The following MYO1A variants were observed in gnomAD, a reference collection of about 807,000 sequenced individuals.
MYO1A encodes unconventional myosin-Ia.
In MYO1A, 127 loss-of-function variants were observed where a neutral mutation model predicts 138.5. The observed-to-expected ratio is 0.92, with a 90% CI of 0.79 to 1.06. MYO1A has a LOEUF of 1.06. MYO1A is among the 50% of genes least tolerant of loss of function. The probability of loss-of-function intolerance (pLI) is 0.00; values close to 1 mark genes in which losing one functional copy is unlikely to be tolerated. For missense variants in MYO1A, 1,211 were observed against 1,288.8 expected (o/e 0.94, Z 0.92); for synonymous variants, 477 against 497.5 (o/e 0.96, Z 0.55).
chr12:57,041,979 T>C (rs1452813623), intron 12 of MYO1A, among the ~76,000 whole-genome samples: 3 of 152,246 alleles, frequency 2.0e-5, no homozygotes, highest in Non-Finnish European at 2.9e-5. Context: ...ATGTGGATAA[T>C]TTGTTAATAA....
chr12:57,043,289 G>C lies in MYO1A; in HGVS notation c.962C>G (p.Thr321Ser), dbSNP rs2030944725. Residue 321 changes from threonine to serine, a missense_variant, in exon 11 of 28, where the codon ACC (threonine) becomes AGC (serine). By Grantham distance (58) the Thr-to-Ser change is moderately conservative (BLOSUM62 1). Coordinates refer to ENST00000300119, the MANE Select transcript of MYO1A (RefSeq NM_005379.4). Reference protein sequence around the residue: ...EEVERALCSRTMETAKEKVVT... With the variant: ...EEVERALCSRSMETAKEKVVT... ...CACCTTTTCCTTGGCTGTTTCCATG[G>C]TCCTCGAGCACAAAGCTCTCTCTAC... is the stretch of plus-strand genomic sequence containing the variant. The C allele has an allele frequency of 6.2e-7, 1 of 1,613,988 alleles. No individual in the cohort carries two copies. Among genetic ancestry groups the C allele is most frequent in the African/African-American group, 1.3e-5 (1 of 74,886 alleles).
At chr12:57,049,480 T>A (rs2031260721) in intron 1 of MYO1A, among the ~76,000 whole-genome samples, 1 of 152,134 alleles carries the variant, frequency 6.6e-6, no homozygotes, top group Non-Finnish European at 1.5e-5. Flanking sequence ...TTCCCCAAGC[T>A]CTAGGAAAAG....
At position 57,028,649 on chromosome 12, in the gene MYO1A, T is replaced by C. The variant is rs752433778; in HGVS notation, c.*106A>G. The C allele has an allele frequency of 1.3e-6, 2 of 1,484,882 alleles. No individual in the cohort carries two copies. The highest frequency in any genetic ancestry group is 2.0e-4 in the Middle Eastern group (1 of 5,066). 92.0% of individuals were successfully genotyped at this position (1,484,882 alleles called of 1,614,324 possible). A position where few individuals can be genotyped will look rare whatever the true frequency, so the allele number is the denominator to read the frequency against. ...CAAGGGTAGTTTAATCCCCAAGCCA[T>C]GCGCCACGATCAGAGGGGTTAGAGA... is the stretch of plus-strand genomic sequence containing the variant. On this transcript the variant is annotated 3_prime_UTR_variant, in exon 28 of 28. Coordinates refer to ENST00000300119, the MANE Select transcript of MYO1A (RefSeq NM_005379.4).
intron 14 of MYO1A, among the ~76,000 whole-genome samples, chr12:57,040,240 T>TA (rs1389368532): frequency 1.3e-5 from 2 of 152,218 alleles, no homozygotes; most frequent in Non-Finnish European, 2.9e-5. Flanking sequence ...TGTGTTGCTG[T>TA]AAAAAAGCAT....
At chr12:57,033,336 A>G (rs1052656078) in intron 22 of MYO1A, among the ~76,000 whole-genome samples, 6 of 152,146 alleles carry the variant, frequency 3.9e-5, no homozygotes, top group Non-Finnish European at 8.8e-5. Flanking sequence ...AATCTAGAAC[A>G]AGGATTCTTA....
Position 57,038,084 on chromosome 12 carries a change from G to T in MYO1A, c.1761-15C>A, listed in dbSNP as rs1276139196. The stretch of plus-strand genomic sequence containing the variant: ...GCTTTATGCACCTGGTGGGAGGTGG[G>T]GTAAGGCACAGCCTTCAGGAGCTGA... On this transcript the variant is annotated splice_polypyrimidine_tract_variant and intron_variant, in intron 17 of 27. Coordinates refer to ENST00000300119, the MANE Select transcript of MYO1A (RefSeq NM_005379.4). The T allele has an allele frequency of 1.2e-6, 2 of 1,613,470 alleles. No individual in the cohort carries two copies.
chr12:57,043,462 G>T, intron 10 of MYO1A, 104 bp from the exon 11 acceptor site: 2 of 1,126,160 alleles, frequency 1.8e-6, no homozygotes, highest in Non-Finnish European at 2.7e-6. Context: ...GTGTCCTGGG[G>T]TCTCACTGGA....
intron 12 of MYO1A, among the ~76,000 whole-genome samples, chr12:57,042,023 C>T (rs1408309894): frequency 6.6e-6 from 1 of 152,172 alleles, no homozygotes; most frequent in East Asian, 1.9e-4. Flanking sequence ...ATACCATGTA[C>T]AATTCAGTGG....
At chr12:57,047,757 A>G (rs749485400) in intron 3 of MYO1A, 36 bp from the exon 4 acceptor site, 12 of 1,612,938 alleles carry the variant, frequency 7.4e-6, no homozygotes, top group Non-Finnish European at 9.3e-6. Context: ...CTATTGTGAA[A>G]CCAGTTCAAG....
chr12:57,048,168 C>T (rs910122092), intron 2 of MYO1A, 42 bp downstream of exon 2: 2 of 1,595,570 alleles, frequency 1.3e-6, no homozygotes, highest in African/African-American at 2.7e-5. Flanking sequence ...GTGACCTCTC[C>T]AGCCACATAT....
Position 57,038,574 on chromosome 12 carries a change from T to C in MYO1A, c.1598A>G (p.Gln533Arg), listed in dbSNP as rs751627161. Residue 533 changes from glutamine (Q) to arginine (R), a missense_variant, in exon 17 of 28, where the codon CAG becomes CGG. Coordinates refer to ENST00000300119, the MANE Select transcript of MYO1A (RefSeq NM_005379.4). ...NNDLLFRDLL[Q>R]AMWKAQHPLL... ...GGGGTGCTGGGCCTTCCACATGGCCTGCAACAGGTCTCGGAAGAGTAGGTC... is the reference window on the plus strand; with the variant it reads ...GGGGTGCTGGGCCTTCCACATGGCCCGCAACAGGTCTCGGAAGAGTAGGTC... 2 of 1,614,202 alleles carry C rather than the reference T, an allele frequency of 1.2e-6. No individual in the cohort carries two copies. The highest frequency in any genetic ancestry group is 2.2e-5 in the South Asian group (2 of 91,076).
chr12:57,030,655 C>CACAAAAGG (rs1300976468), intron 23 of MYO1A, among the ~76,000 whole-genome samples: 7 of 152,258 alleles, frequency 4.6e-5, no homozygotes, highest in Non-Finnish European at 8.8e-5. Flanking sequence ...ATAAGCCAGA[C>CACAAAAGG]ACAAAAGGAC....
rs1217356482 is a variant in MYO1A, at chr12:57,044,122, C to A, written c.728G>T (p.Ser243Ile). The change falls in exon 9 of 28, where the codon AGC (serine) becomes ATC (isoleucine). Residue 243 changes from serine (S) to isoleucine (I), a missense_variant. Coordinates refer to ENST00000300119, the MANE Select transcript of MYO1A (RefSeq NM_005379.4). Reference protein sequence around the residue: ...SRVDGMDDASSFRAVQSAMAV... With the variant: ...SRVDGMDDASIFRAVQSAMAV... ...GGCACCCACCTGTACAGCCCTGAAG[C>A]TGGAGGCGTCGTCCATGCCATCCAC... 6.2e-7 allele frequency: 1 copy of A among 1,614,234 alleles called. No individual in the cohort carries two copies. Among genetic ancestry groups the A allele is most frequent in the East Asian group, 2.2e-5 (1 of 44,886 alleles).
rs771412515 is a variant in MYO1A at position 57,029,197 on chromosome 12, C to G, written c.2940G>C (p.Leu980=). The part of the protein sequence containing the change: ...LLVSEHVIEL[L]TKMYRAVLDA... ...CCAGCACAGCCCGGTACATTTTGGT[C>G]AGCAGTTCAATCACATGCTCGCTGA... The change falls in exon 27 of 28, where the codon CTG becomes CTC. Residue 980 remains leucine (L), a synonymous_variant. Transcript: ENST00000300119. 1 of 1,614,036 alleles carries G rather than the reference C, an allele frequency of 6.2e-7. No homozygotes were observed. The highest frequency in any genetic ancestry group is 1.7e-5 in the Admixed American group (1 of 60,002).
At position 57,038,798 on chromosome 12, in the gene MYO1A, T is replaced by C. The variant is rs1214063603; in HGVS notation, c.1533+11A>G. ...AGCCCTAATCTCTGCCCTCCAGCCC[T>C]GCCATTTCACCTTGCCCGCATAGTG... On this transcript the variant is annotated intron_variant, in intron 16 of 27. Transcript: ENST00000300119. The C allele has an allele frequency of 6.2e-7, 1 of 1,614,178 alleles. No homozygotes were observed.
intron 3 of MYO1A, 90 bp downstream of exon 3, chr12:57,047,899 C>G: frequency 6.4e-7 from 1 of 1,558,146 alleles, no homozygotes; most frequent in East Asian, 2.4e-5. Context: ...GCTGGAGAAG[C>G]CCCTTCAGGG....
intron 22 of MYO1A, among the ~76,000 whole-genome samples, chr12:57,035,264 T>C (rs968193148): frequency 2.0e-5 from 3 of 152,024 alleles, no homozygotes; most frequent in Non-Finnish European, 4.4e-5. Flanking sequence ...GCAAGAAGCA[T>C]GTATGGTGGG....
At position 57,036,831 on chromosome 12, in the gene MYO1A, A is replaced by G; in HGVS notation, c.2215T>C (p.Cys739Arg). ...ACGGATGCCTTTATCTTCCCATAGCATTTCTTTTGCTGTAGAAAACATAGG... is the reference window on the plus strand; with the variant it reads ...ACGGATGCCTTTATCTTCCCATAGCGTTTCTTTTGCTGTAGAAAACATAGG... The part of the protein sequence containing the change: ...SWFRGNMQKK[C>R]YGKIKASVLL... Residue 739 changes from cysteine (C) to arginine (R), a missense_variant, in exon 21 of 28, where the codon TGC becomes CGC. By Grantham distance (180) the Cys-to-Arg change is radical. Coordinates refer to ENST00000300119, the MANE Select transcript of MYO1A (RefSeq NM_005379.4). The G allele has an allele frequency of 1.2e-6, 2 of 1,614,188 alleles. No individual in the cohort carries two copies. Among genetic ancestry groups the G allele is most frequent in the Non-Finnish European group, 1.7e-6 (2 of 1,180,028 alleles).
intron 26 of MYO1A, 43 bp from the exon 27 acceptor site, chr12:57,029,302 C>A (rs1467249099): frequency 1.9e-6 from 3 of 1,613,562 alleles, no homozygotes; most frequent in Non-Finnish European, 2.5e-6. Flanking sequence ...TTCATTTTTT[C>A]TCTTCAGGAG....
Sources: gnomAD v4.1 joint callset for allele counts (sites outside exome capture counted in the v4.1 genomes callset) on GRCh38, gnomAD v4.1.1 for gene constraint, MANE v1.5 for transcripts, NCBI Gene and HGNC (gene_info 2026-07-23, HGNC 2026-07-21) for gene names.